UBE2B: variants seen among roughly 807,000 people sequenced by gnomAD.
UBE2B encodes the protein ubiquitin conjugating enzyme E2 B.
Under a neutral mutation model 24.6 loss-of-function variants are expected in UBE2B, and 11 were observed. The ratio of observed to expected loss-of-function variants is 0.45; its 90% confidence interval spans 0.28 to 0.74. The LOEUF (loss-of-function observed/expected upper bound fraction) is 0.74, where lower values mean the gene tolerates loss of function less well. Ranked by LOEUF, UBE2B falls within the 30% of genes least tolerant of loss-of-function variation. The pLI is 0.13. For synonymous variants in UBE2B, 68 were observed against 62.4 expected (o/e 1.09, Z -0.42); for missense variants, 78 against 185.6 (o/e 0.42, Z 3.37).
chr5:134,390,099 A>G lies in UBE2B; in HGVS notation c.331-126A>G. On this transcript the variant is annotated intron_variant, in intron 5 of 5. Coordinates refer to ENST00000265339, the MANE Select transcript of UBE2B (RefSeq NM_003337.4). The surrounding 1 kb of genome is among the most constrained non-coding windows in gnomAD (Gnocchi z 4.6). ...TAAAAGTATTTAGACCCAAAATTAT[A>G]TGACATGTTAATCTCTGAAGTAATT... The G allele has an allele frequency of 1.7e-6, 2 of 1,173,266 alleles. No homozygotes were observed. Among genetic ancestry groups the G allele is most frequent in the Non-Finnish European group, 2.5e-6 (2 of 813,336 alleles). The allele number at this position is 1,173,266 out of a possible 1,614,324, so 72.7% of individuals were successfully genotyped here.
At chr5:134,387,290 T>C (rs1758822968) in intron 4 of UBE2B, among the ~76,000 whole-genome samples, 1 of 152,144 alleles carries the variant, frequency 6.6e-6, no homozygotes. Flanking sequence ...ATAGTGAACA[T>C]CCTGTAAGTA....
chr5:134,390,455 G>T lies in UBE2B; in HGVS notation c.*102G>T. 1.4e-6 allele frequency: 2 copies of T among 1,477,074 alleles called. No homozygotes were observed. Among genetic ancestry groups the T allele is most frequent in the Non-Finnish European group, 9.2e-7 (1 of 1,083,430 alleles). 91.5% of individuals were successfully genotyped at this position (1,477,074 alleles called of 1,614,324 possible). On this transcript the variant is annotated 3_prime_UTR_variant, in exon 6 of 6. Coordinates refer to ENST00000265339, the MANE Select transcript of UBE2B (RefSeq NM_003337.4). This position sits in a 1 kb window ranked among gnomAD's most constrained non-coding sequence, Gnocchi z 4.6. ...AAGTGCCACAGGTTTTAAGGATTCTGCAGAAAAAAAAGAAAAAAGTCCTTC... is the reference window on the plus strand; with the variant it reads ...AAGTGCCACAGGTTTTAAGGATTCTTCAGAAAAAAAAGAAAAAAGTCCTTC...
chr5:134,380,955 A>AATTT (rs1758698220), intron 4 of UBE2B, 147 bp downstream of exon 4: 1 of 138,420 alleles, frequency 7.2e-6, no homozygotes, highest in African/African-American at 6.6e-5. Flanking sequence ...TTTGTTGTGG[A>AATTT]TTTTTTTTTT....
intron 3 of UBE2B, among the ~76,000 whole-genome samples, chr5:134,380,301 G>A (rs1489502597): frequency 1.3e-5 from 2 of 152,168 alleles, no homozygotes; most frequent in Non-Finnish European, 2.9e-5. Context: ...AGAGCATAGC[G>A]GCATGATCTG....
At position 134,371,581 on chromosome 5, in the gene UBE2B, G is replaced by A. The variant is rs1758418308; in HGVS notation, c.-15G>A. ...CTTTTTTTTTTTCAGACTGACCGCG[G>A]GGCAGCTGCGGAGCATGTCGACCCC... On this transcript the variant is annotated 5_prime_UTR_variant, in exon 1 of 6. Transcript: ENST00000265339. 1 of 1,612,272 alleles carries A rather than the reference G, an allele frequency of 6.2e-7. No homozygotes were observed. The highest frequency in any genetic ancestry group is 8.5e-7 in the Non-Finnish European group (1 of 1,179,726).
At chr5:134,380,590 G>A in intron 3 of UBE2B, 129 bp from the exon 4 acceptor site, 1 of 630,054 alleles carries the variant, frequency 1.6e-6, no homozygotes, top group Non-Finnish European at 2.9e-6. Flanking sequence ...AGGATGTTTT[G>A]TATGCCGAAC....
At chr5:134,378,345 C>T (rs1384936359) in intron 3 of UBE2B, among the ~76,000 whole-genome samples, 1 of 152,070 alleles carries the variant, frequency 6.6e-6, no homozygotes, top group Admixed American at 6.6e-5. Flanking sequence ...CTGAAGCCTC[C>T]GCCTCCGAGG....
chr5:134,380,218 T>C (rs935213538), intron 3 of UBE2B, among the ~76,000 whole-genome samples: 3 of 152,334 alleles, frequency 2.0e-5, no homozygotes, highest in Non-Finnish European at 2.9e-5. Flanking sequence ...GCTACAGTTA[T>C]TTTTAATGAA....
intron 4 of UBE2B, among the ~76,000 whole-genome samples, chr5:134,381,284 T>TA (rs1758705361): frequency 6.6e-6 from 1 of 151,742 alleles, no homozygotes; most frequent in African/African-American, 2.4e-5. Flanking sequence ...GAGACAAAGT[T>TA]ATACTCTGTC....
In UBE2B at chr5:134,377,775, A is replaced by G. The variant is rs191165197; in HGVS notation, c.151+1081A>G. Reference sequence around the variant, plus strand: ...TCATACTAAGACTGTTGACCTTTGCATTGATGGTACAAAACCAATGGTGGC... The same window carrying G: ...TCATACTAAGACTGTTGACCTTTGCGTTGATGGTACAAAACCAATGGTGGC... On this transcript the variant is annotated intron_variant, in intron 3 of 5. Coordinates refer to ENST00000265339, the MANE Select transcript of UBE2B (RefSeq NM_003337.4). 3.9e-3 allele frequency among the ~76,000 whole-genome samples: 599 copies of G among 152,306 alleles called. 1 individual carries two copies. Among genetic ancestry groups the G allele is most frequent in the Non-Finnish European group, 7.0e-3 (478 of 68,022 alleles).
chr5:134,373,311 CTT>C (rs767272568), intron 1 of UBE2B, among the ~76,000 whole-genome samples: 8 of 141,404 alleles, frequency 5.7e-5, no homozygotes, highest in Non-Finnish European at 6.2e-5. Flanking sequence ...CTGAGGTTTG[CTT>C]TTTTTTTTTT....
chr5:134,388,430 A>G lies in UBE2B; in HGVS notation c.330+17A>G, dbSNP rs1374893410. 1.2e-6 allele frequency: 2 copies of G among 1,606,484 alleles called. No individual in the cohort carries two copies. The highest frequency in any genetic ancestry group is 2.2e-5 in the East Asian group (1 of 44,830). Reference sequence around the variant, plus strand: ...TCAATTCAGGTAAGTGTGTGTTAGGATGTATTATAATTTGTCAGTATTCTG... The same window carrying G: ...TCAATTCAGGTAAGTGTGTGTTAGGGTGTATTATAATTTGTCAGTATTCTG... On this transcript the variant is annotated intron_variant, in intron 5 of 5. Coordinates refer to ENST00000265339, the MANE Select transcript of UBE2B (RefSeq NM_003337.4).
chr5:134,381,478 C>T (rs1161623387), intron 4 of UBE2B, among the ~76,000 whole-genome samples: 1 of 151,932 alleles, frequency 6.6e-6, no homozygotes, highest in African/African-American at 2.4e-5. Flanking sequence ...TGTGTGTTGC[C>T]CAGGCTGGTC....
rs1758894721 is a variant in UBE2B, at chr5:134,391,393, G to GACA, written c.*1041_*1042insCAA. ...GTGGAGATTTTTTTTTTAATCTCCTGAGTTGTATAAAAGTTGTACTGCATC... is the reference window on the plus strand; with the variant it reads ...GTGGAGATTTTTTTTTTAATCTCCTGACAAGTTGTATAAAAGTTGTACTGCATC... On this transcript the variant is annotated 3_prime_UTR_variant, in exon 6 of 6. Transcript: ENST00000265339. 1 of 152,396 alleles carries GACA rather than the reference G, an allele frequency of 6.6e-6. No homozygotes were observed. The highest frequency in any genetic ancestry group is 1.5e-5 in the Non-Finnish European group (1 of 68,002). The allele number at this position is 152,396 out of a possible 1,614,324, so 9.4% of individuals were successfully genotyped here. A position where few individuals can be genotyped will look rare whatever the true frequency, so the allele number is the denominator to read the frequency against.
chr5:134,379,388 G>A (rs922735876), intron 3 of UBE2B, among the ~76,000 whole-genome samples: 30 of 152,110 alleles, frequency 2.0e-4, no homozygotes, highest in African/African-American at 6.8e-4. Context: ...GTTCATGCCT[G>A]TAATCCCAGC....
chr5:134,382,818 T>G (rs1048733944), intron 4 of UBE2B, among the ~76,000 whole-genome samples: 2 of 151,390 alleles, frequency 1.3e-5, no homozygotes, highest in East Asian at 1.9e-4. Flanking sequence ...AAATAAGGTG[T>G]TTTTTTTGGT....
intron 3 of UBE2B, among the ~76,000 whole-genome samples, chr5:134,379,231 C>T (rs1758663628): frequency 6.6e-6 from 1 of 152,080 alleles, no homozygotes; most frequent in Non-Finnish European, 1.5e-5. Context: ...TAACTGAGTA[C>T]AAAAAGTTGA....
At chr5:134,378,402 G>T (rs996805139) in intron 3 of UBE2B, among the ~76,000 whole-genome samples, 1 of 152,066 alleles carries the variant, frequency 6.6e-6, no homozygotes, top group African/African-American at 2.4e-5. Context: ...TGGGATTACA[G>T]ACATGTGCTA....
chr5:134,381,007 C>T (rs1758700046), intron 4 of UBE2B, among the ~76,000 whole-genome samples, 199 bp downstream of exon 4: 1 of 130,548 alleles, frequency 7.7e-6, no homozygotes, highest in Admixed American at 9.6e-5. Context: ...CGCTCTGTCG[C>T]CCAGGCTGGA....
Sources: allele counts gnomAD v4.1 joint callset (sites outside exome capture counted in the v4.1 genomes callset), GRCh38; gene constraint gnomAD v4.1.1; non-coding constraint Gnocchi (gnomAD v3.1); transcripts MANE v1.5; gene names NCBI Gene and HGNC (gene_info 2026-07-23, HGNC 2026-07-21).